The following DRC12 variants were observed in gnomAD, a reference collection of about 807,000 sequenced individuals.
DRC12 encodes the protein dynein regulatory complex protein 12.
chr11:119,191,903 A>C, the DRC12 span, among the ~76,000 whole-genome samples: 1 of 152,110 alleles, frequency 6.6e-6, no homozygotes, highest in Non-Finnish European at 1.5e-5. Context: ...GAGGTAAAGC[A>C]AAGATTAGGA....
chr11:119,193,558 T>A, the DRC12 span: 6 of 1,426,402 alleles, frequency 4.2e-6, no homozygotes, highest in South Asian at 9.0e-5. Context: ...GCACCAGGCA[T>A]CCTGGAAGGC....
chr11:119,193,980 G>C, the DRC12 span: 1 of 1,248,278 alleles, frequency 8.0e-7, no homozygotes, highest in East Asian at 2.6e-5. Context: ...CTAGAAATCT[G>C]GTGGTGGGGT....
the DRC12 span, among the ~76,000 whole-genome samples, chr11:119,194,728 A>C: frequency 9.5e-5 from 14 of 147,324 alleles, no homozygotes; most frequent in African/African-American, 3.0e-4. Flanking sequence ...AAAACAAAAA[A>C]CAAACAAACA....
At chr11:119,192,122 C>T in the DRC12 span, among the ~76,000 whole-genome samples, 62 of 152,002 alleles carry the variant, frequency 4.1e-4, 2 homozygotes, top group South Asian at 2.1e-4. Flanking sequence ...ATTACAGGCA[C>T]ACGCCACCAT....
At chr11:119,190,553 C>G in the DRC12 span, 8 of 1,558,910 alleles carry the variant, frequency 5.1e-6, no homozygotes, top group Non-Finnish European at 7.0e-6. This position sits in a 1 kb window ranked among gnomAD's most constrained non-coding sequence, Gnocchi z 4.2. Context: ...TAGACATGGT[C>G]GTATCCCCTC....
At chr11:119,190,316 G>A in the DRC12 span, 1 of 1,614,060 alleles carries the variant, frequency 6.2e-7, no homozygotes, top group African/African-American at 1.3e-5. This position sits in a 1 kb window ranked among gnomAD's most constrained non-coding sequence, Gnocchi z 4.2. Flanking sequence ...ACTAGGGGCT[G>A]GTGGCCTCAA....
chr11:119,193,829 T>C, the DRC12 span: 21 of 1,551,660 alleles, frequency 1.4e-5, no homozygotes, highest in Middle Eastern at 3.3e-4. Context: ...CCTTGCAGCC[T>C]CTGCCTCAGC....
At chr11:119,192,449 A>G in the DRC12 span, among the ~76,000 whole-genome samples, 1 of 152,218 alleles carries the variant, frequency 6.6e-6, no homozygotes, top group South Asian at 2.1e-4. Flanking sequence ...TTTGGTGAAC[A>G]GTTATTTAGG....
At chr11:119,190,744 G>A in the DRC12 span, 3 of 1,614,088 alleles carry the variant, frequency 1.9e-6, no homozygotes, top group Admixed American at 3.3e-5. The surrounding 1 kb of genome is among the most constrained non-coding windows in gnomAD (Gnocchi z 4.2). Flanking sequence ...CTCCATGTCT[G>A]CCATGTGGGC....
chr11:119,190,569 G>A, the DRC12 span: 6 of 1,549,698 alleles, frequency 3.9e-6, no homozygotes, highest in South Asian at 5.8e-5. The surrounding 1 kb of genome is among the most constrained non-coding windows in gnomAD (Gnocchi z 4.2). Flanking sequence ...CCCTCTGTCT[G>A]CCCTCAGGAT....
At chr11:119,195,124 T>C in the DRC12 span, 4 of 743,616 alleles carry the variant, frequency 5.4e-6, no homozygotes, top group Non-Finnish European at 8.9e-6. Flanking sequence ...GTATCCACAG[T>C]GGCAGAGTCT....
the DRC12 span, chr11:119,190,730 T>C: frequency 6.2e-7 from 1 of 1,613,958 alleles, no homozygotes; most frequent in Non-Finnish European, 8.5e-7. This position sits in a 1 kb window ranked among gnomAD's most constrained non-coding sequence, Gnocchi z 4.2. Context: ...TCCTCATACT[T>C]CGCCTCCATG....
chr11:119,193,379 G>A, the DRC12 span: 1 of 856,782 alleles, frequency 1.2e-6, no homozygotes, highest in Non-Finnish European at 1.8e-6. Flanking sequence ...GGTTCTTTTT[G>A]TGATTCTGAG....
the DRC12 span, chr11:119,194,821 TA>T: frequency 1.2e-6 from 1 of 805,536 alleles, no homozygotes; most frequent in Non-Finnish European, 2.0e-6. Context: ...AGGGTCAACT[TA>T]ACCCCCCACC....
the DRC12 span, chr11:119,194,780 T>A: frequency 1.8e-6 from 1 of 547,030 alleles, no homozygotes; most frequent in Non-Finnish European, 3.3e-6. Context: ...GCCCACCCTC[T>A]CTCATCATCT....
the DRC12 span, chr11:119,193,879 CG>C: frequency 1.3e-6 from 2 of 1,551,370 alleles, no homozygotes; most frequent in African/African-American, 2.7e-5. Context: ...TTCATCCCTC[CG>C]TAGAGCTGTG....
At chr11:119,193,789 C>A in the DRC12 span, 1 of 1,551,726 alleles carries the variant, frequency 6.4e-7, no homozygotes, top group Non-Finnish European at 8.7e-7. Context: ...CTTCCCTTCA[C>A]TTCGGGCCCC....
chr11:119,195,796 T>C, the DRC12 span: 1 of 276,228 alleles, frequency 3.6e-6, no homozygotes, highest in African/African-American at 2.3e-5. Flanking sequence ...CCTCACTTCC[T>C]ACCTGTAGGA....
At chr11:119,195,095 C>G in the DRC12 span, 6 of 951,342 alleles carry the variant, frequency 6.3e-6, no homozygotes, top group African/African-American at 9.8e-5. Context: ...CACAGCAGAC[C>G]TGAGGACCAC....
Sources: gnomAD v4.1 joint callset for allele counts (sites outside exome capture counted in the v4.1 genomes callset) on GRCh38, gnomAD v4.1.1 for gene constraint, Gnocchi (gnomAD v3.1) non-coding constraint, MANE v1.5 for transcripts, NCBI Gene and HGNC (gene_info 2026-07-23, HGNC 2026-07-21) for gene names.